The following TRPM3 variants were observed in gnomAD, a reference collection of about 807,000 sequenced individuals.
TRPM3 encodes transient receptor potential cation channel subfamily M member 3, also known as long transient receptor potential channel 3.
Under a neutral mutation model 181.2 loss-of-function variants are expected in TRPM3, and 77 were observed. That is an observed-to-expected ratio of 0.42 (90% CI 0.35 to 0.51). The LOEUF is 0.51. Among genes scored for constraint, TRPM3 ranks in the 20% least tolerant of loss-of-function variants. TRPM3 has a pLI of 0.01. For missense variants in TRPM3, 1,759 were observed against 2,196.7 expected, an observed-to-expected ratio of 0.80 and a Z score of 3.98; for synonymous variants, 745 against 796.4, an observed-to-expected ratio of 0.94 and a Z score of 1.09.
In TRPM3 at chr9:70,535,402, C is replaced by A. The variant is rs1004243134; in HGVS notation, c.*551G>T. 6.5e-7 allele frequency: 1 copy of A among 1,550,004 alleles called. No individual in the cohort carries two copies. The highest frequency in any genetic ancestry group is 2.0e-5 in the Admixed American group (1 of 50,962). On this transcript the variant is annotated 3_prime_UTR_variant, in exon 26 of 26. Coordinates refer to ENST00000677713, the MANE Select transcript of TRPM3 (RefSeq NM_001366145.2). ...GTGTTGGCATGAGAAGGATGTGGGA[C>A]GTTAGGTAGAACTGCTTGCTGCCGG...
At chr9:70,952,233 C>T (rs2133708577) in intron 1 of TRPM3, among the ~76,000 whole-genome samples, 1 of 152,268 alleles carries the variant, frequency 6.6e-6, no homozygotes, top group African/African-American at 2.4e-5. Flanking sequence ...GATTCCATAG[C>T]CTGGGAATGA....
At chr9:71,392,381 G>A (rs1413123882) in intron 1 of TRPM3, among the ~76,000 whole-genome samples, 1 of 152,074 alleles carries the variant, frequency 6.6e-6, no homozygotes, top group Non-Finnish European at 1.5e-5. Flanking sequence ...GGAATGGAAG[G>A]AGACATGTCC....
intron 3 of TRPM3, among the ~76,000 whole-genome samples, chr9:70,848,636 C>T (rs1038168568): frequency 1.3e-5 from 2 of 152,136 alleles, no homozygotes; most frequent in African/African-American, 4.8e-5. Flanking sequence ...AGACCTACTC[C>T]TCAACAGCAA....
intron 1 of TRPM3, among the ~76,000 whole-genome samples, chr9:71,299,824 A>C (rs1370487970): frequency 2.0e-5 from 3 of 152,146 alleles, no homozygotes; most frequent in Non-Finnish European, 2.9e-5. Flanking sequence ...AATGACTATT[A>C]AGGATCAAAC....
At chr9:71,030,184 C>A (rs1433654482) in intron 1 of TRPM3, among the ~76,000 whole-genome samples, 6 of 152,258 alleles carry the variant, frequency 3.9e-5, no homozygotes. Context: ...TAAACATATG[C>A]TACTTTTATA....
intron 6 of TRPM3, among the ~76,000 whole-genome samples, chr9:70,787,763 C>CTTTTTTTTTTTT: frequency 1.9e-4 from 13 of 68,556 alleles, no homozygotes; most frequent in East Asian, 6.0e-4. Context: ...TTTTTGGATT[C>CTTTTTTTTTTTT]TTTTTTTTTT....
intron 1 of TRPM3, among the ~76,000 whole-genome samples, chr9:71,335,337 A>G (rs1052360330): frequency 1.3e-5 from 2 of 152,118 alleles, no homozygotes; most frequent in Non-Finnish European, 2.9e-5. Flanking sequence ...TTTTTTTTCA[A>G]TATACCAGAA....
chr9:71,217,063 G>GC (rs1311476858), intron 1 of TRPM3, among the ~76,000 whole-genome samples: 1 of 144,930 alleles, frequency 6.9e-6, no homozygotes, highest in East Asian at 2.1e-4. Flanking sequence ...CCATTCTCCT[G>GC]CCTCAGCCTC....
intron 1 of TRPM3, among the ~76,000 whole-genome samples, chr9:70,899,160 C>G (rs1359548367): frequency 6.6e-6 from 1 of 152,004 alleles, no homozygotes; most frequent in Non-Finnish European, 1.5e-5. Context: ...TAGGGTAAAC[C>G]GAAATTTAGA....
intron 1 of TRPM3, among the ~76,000 whole-genome samples, chr9:71,067,701 A>G (rs1785564435): frequency 6.6e-6 from 1 of 152,198 alleles, no homozygotes; most frequent in Admixed American, 6.5e-5. Context: ...TGCTCAGTTA[A>G]TATTTCCTAA....
intron 2 of TRPM3, among the ~76,000 whole-genome samples, 163 bp from the exon 3 acceptor site, chr9:70,863,275 C>T (rs1175216120): frequency 5.9e-5 from 9 of 152,226 alleles, no homozygotes; most frequent in African/African-American, 2.2e-4. Flanking sequence ...TAAACTCAGG[C>T]TTTCCATGAT....
At chr9:71,118,035 A>C (rs2072811370) in intron 1 of TRPM3, among the ~76,000 whole-genome samples, 1 of 152,238 alleles carries the variant, frequency 6.6e-6, no homozygotes, top group Non-Finnish European at 1.5e-5. Flanking sequence ...ACATTCTGTC[A>C]CTGAAATAAA....
chr9:70,630,328 C>G (rs1374767681), intron 12 of TRPM3, among the ~76,000 whole-genome samples: 6 of 152,226 alleles, frequency 3.9e-5, no homozygotes, highest in African/African-American at 1.4e-4. Context: ...GCAGGCTGTT[C>G]TTACTCCTTT....
chr9:71,432,323 C>CTTTTTTTTTTTTTTTTTT (rs67905820), intron 1 of TRPM3, among the ~76,000 whole-genome samples: 1 of 76,620 alleles, frequency 1.3e-5, no homozygotes, highest in Non-Finnish European at 2.6e-5. Context: ...AAAAGTAGGA[C>CTTTTTTTTTTTTTTTTTT]TTTTTTTTTT....
intron 1 of TRPM3, among the ~76,000 whole-genome samples, chr9:71,432,544 AG>A (rs1207601041): frequency 1.3e-5 from 2 of 151,994 alleles, no homozygotes; most frequent in Non-Finnish European, 2.9e-5. Flanking sequence ...ATTTTGTCCT[AG>A]GCCTTGGTAA....
At chr9:70,693,842 C>T (rs945627349) in intron 8 of TRPM3, among the ~76,000 whole-genome samples, 10 of 152,228 alleles carry the variant, frequency 6.6e-5, no homozygotes, top group Non-Finnish European at 1.3e-4. Flanking sequence ...TCAGAACCAG[C>T]GAAAGGGACC....
At chr9:71,196,173 G>GTGTT (rs2078345033) in intron 1 of TRPM3, among the ~76,000 whole-genome samples, 3 of 130,128 alleles carry the variant, frequency 2.3e-5, no homozygotes, top group African/African-American at 7.8e-5. Context: ...GTATATGTGT[G>GTGTT]TGTGTGTGTG....
chr9:70,669,650 AGAG>A (rs1246140664), intron 9 of TRPM3, among the ~76,000 whole-genome samples: 1 of 152,220 alleles, frequency 6.6e-6, no homozygotes, highest in Admixed American at 6.5e-5. Context: ...TCAAAATATC[AGAG>A]GACAGGGATG....
intron 22 of TRPM3, among the ~76,000 whole-genome samples, chr9:70,553,747 A>C (rs1332084563): frequency 6.6e-6 from 1 of 152,240 alleles, no homozygotes; most frequent in African/African-American, 2.4e-5. Flanking sequence ...GAGCAGCAGC[A>C]TCTCGGGACT....
Sources: allele counts gnomAD v4.1 joint callset (sites outside exome capture counted in the v4.1 genomes callset), GRCh38; gene constraint gnomAD v4.1.1; transcripts MANE v1.5; gene names NCBI Gene and HGNC (gene_info 2026-07-23, HGNC 2026-07-21).